The following RTN4RL1 variants were observed in gnomAD, a reference collection of about 807,000 sequenced individuals.
The protein encoded by RTN4RL1 is reticulon 4 receptor like 1.
RTN4RL1 carries 7 observed loss-of-function variants against 25.6 expected under a neutral mutation model. That is an observed-to-expected ratio of 0.27 (90% CI 0.16 to 0.51). RTN4RL1 has a LOEUF of 0.51. Ranked by LOEUF, RTN4RL1 falls within the 20% of genes least tolerant of loss-of-function variation. The pLI is 0.97. For missense variants in RTN4RL1, 500 were observed against 615.6 expected (o/e 0.81, Z 1.99); for synonymous variants, 297 against 288.2 (o/e 1.03, Z -0.31).
intron 1 of RTN4RL1, among the ~76,000 whole-genome samples, chr17:2,016,084 T>G (rs2067118517): frequency 6.6e-6 from 1 of 152,136 alleles, no homozygotes; most frequent in African/African-American, 2.4e-5. Context: ...CTCCTGCTAT[T>G]GAAAAACCTT....
intron 1 of RTN4RL1, among the ~76,000 whole-genome samples, chr17:1,953,063 T>C (rs1014235414): frequency 1.1e-4 from 16 of 149,654 alleles, no homozygotes; most frequent in Non-Finnish European, 2.2e-4. Flanking sequence ...CAGAGTGAGA[T>C]CTAGTTTCAA....
In RTN4RL1 at chr17:1,973,103, C is replaced by G. The variant is rs936336861; in HGVS notation, c.14-35295G>C. On this transcript the variant is annotated intron_variant, in intron 1 of 1. Coordinates refer to ENST00000331238, the MANE Select transcript of RTN4RL1 (RefSeq NM_178568.4). ...CTAGGCTGGGCACGGCGGCTCATGCCTGTAATCCCAGCACTTTGGGACGCT... is the reference window on the plus strand; with the variant it reads ...CTAGGCTGGGCACGGCGGCTCATGCGTGTAATCCCAGCACTTTGGGACGCT... Among the ~76,000 whole-genome samples, 20 of 152,328 alleles carry G rather than the reference C, an allele frequency of 1.3e-4. 1 individual carries two copies. Among genetic ancestry groups the G allele is most frequent in the African/African-American group, 4.3e-4 (18 of 41,576 alleles).
At chr17:1,952,233 A>G (rs1051540855) in intron 1 of RTN4RL1, among the ~76,000 whole-genome samples, 7 of 151,900 alleles carry the variant, frequency 4.6e-5, no homozygotes, top group African/African-American at 1.7e-4. Flanking sequence ...AATAGTGAAT[A>G]TCTGTGAGCA....
intron 1 of RTN4RL1, among the ~76,000 whole-genome samples, chr17:2,002,667 C>T (rs537067866): frequency 2.7e-3 from 407 of 152,160 alleles, no homozygotes; most frequent in Non-Finnish European, 4.6e-3. Flanking sequence ...TTTTCTCTGT[C>T]TCTGTCTCCC....
At chr17:1,942,117 G>A (rs1044681553) in intron 1 of RTN4RL1, among the ~76,000 whole-genome samples, 2 of 152,278 alleles carry the variant, frequency 1.3e-5, no homozygotes, top group African/African-American at 4.8e-5. Flanking sequence ...AGGGGGCTGA[G>A]GAGAGCAAGG....
At chr17:1,976,483 T>C (rs1186778801) in intron 1 of RTN4RL1, among the ~76,000 whole-genome samples, 2 of 152,204 alleles carry the variant, frequency 1.3e-5, no homozygotes, top group African/African-American at 2.4e-5. Context: ...TTAAGTAGTG[T>C]TGGTGCTGCA....
chr17:2,013,917 A>G (rs2067085637), intron 1 of RTN4RL1, among the ~76,000 whole-genome samples: 1 of 152,196 alleles, frequency 6.6e-6, no homozygotes, highest in African/African-American at 2.4e-5. Context: ...CTGCATCCCA[A>G]AGCTGTGCAG....
At chr17:1,939,336 G>C (rs1034041518) in intron 1 of RTN4RL1, among the ~76,000 whole-genome samples, 1 of 151,488 alleles carries the variant, frequency 6.6e-6, no homozygotes, top group South Asian at 2.1e-4. Flanking sequence ...CTGGGCGACA[G>C]AGCGAAACTC....
chr17:1,951,157 C>T (rs1031199346), intron 1 of RTN4RL1, among the ~76,000 whole-genome samples: 13 of 150,180 alleles, frequency 8.7e-5, no homozygotes, highest in Admixed American at 6.0e-4. Context: ...CCCAGCTACT[C>T]GGGAGGCTGA....
chr17:2,012,367 G>A (rs143083897), intron 1 of RTN4RL1, among the ~76,000 whole-genome samples: 1,678 of 152,324 alleles, frequency 0.011, 36 homozygotes, highest in African/African-American at 0.036. Context: ...GCGGTGAGGC[G>A]GCCCTAAGGC....
At chr17:1,962,213 AAG>A (rs941173633) in intron 1 of RTN4RL1, among the ~76,000 whole-genome samples, 1 of 151,370 alleles carries the variant, frequency 6.6e-6, no homozygotes, top group Non-Finnish European at 1.5e-5. Flanking sequence ...CTGGGAGGTG[AAG>A]ACTGCCATGA....
Position 1,998,776 on chromosome 17 carries a change from CGGGGTGGGGGTG to C in RTN4RL1, c.13+26065_13+26076del, listed in dbSNP as rs916422839. 1.6e-4 allele frequency among the ~76,000 whole-genome samples: 10 copies of C among 63,726 alleles called. No homozygotes were observed. Among genetic ancestry groups the C allele is most frequent in the Non-Finnish European group, 2.9e-4 (8 of 27,642 alleles). 41.8% of individuals were successfully genotyped at this position (63,726 alleles called of 152,430 possible). On this transcript the variant is annotated intron_variant, in intron 1 of 1. Coordinates refer to ENST00000331238, the MANE Select transcript of RTN4RL1 (RefSeq NM_178568.4). This position sits in a 1 kb window ranked among gnomAD's most constrained non-coding sequence, Gnocchi z 4.9. ...GGCGGCCTCGCGCGCACGGGGACCC[CGGGGTGGGGGTG>C]GGGGTGGGGCTCTGCGAGGGCCCTA...
intron 1 of RTN4RL1, among the ~76,000 whole-genome samples, chr17:1,979,014 TG>T (rs2066855466): frequency 6.6e-6 from 1 of 152,278 alleles, no homozygotes; most frequent in South Asian, 2.1e-4. Flanking sequence ...GGCCAACGCC[TG>T]TAATCCCAGC....
At chr17:1,952,121 G>T (rs1915694386) in intron 1 of RTN4RL1, among the ~76,000 whole-genome samples, 1 of 152,124 alleles carries the variant, frequency 6.6e-6, no homozygotes, top group East Asian at 1.9e-4. Context: ...TTGCCCTTTT[G>T]TTTCAAACGA....
At chr17:2,014,250 G>A (rs2067090076) in intron 1 of RTN4RL1, among the ~76,000 whole-genome samples, 1 of 152,146 alleles carries the variant, frequency 6.6e-6, no homozygotes, top group Non-Finnish European at 1.5e-5. Flanking sequence ...GGATCTGGAG[G>A]GGCACAGGGT....
intron 1 of RTN4RL1, 95 bp downstream of exon 1, chr17:2,024,758 C>G (rs992718268): frequency 1.5e-6 from 2 of 1,337,062 alleles, no homozygotes; most frequent in East Asian, 2.6e-5. Flanking sequence ...GGGGCTACTT[C>G]CCAGACCGGG....
At chr17:1,964,681 G>A (rs9675113) in intron 1 of RTN4RL1, among the ~76,000 whole-genome samples, 29 of 151,090 alleles carry the variant, frequency 1.9e-4, no homozygotes, top group Non-Finnish European at 3.4e-4. Context: ...GCAGTGAGCC[G>A]AGATCACACC....
At chr17:1,980,591 T>C (rs905017874) in intron 1 of RTN4RL1, among the ~76,000 whole-genome samples, 6 of 152,232 alleles carry the variant, frequency 3.9e-5, no homozygotes, top group African/African-American at 1.4e-4. Context: ...ATGACATATA[T>C]TACTTTTATA....
intron 1 of RTN4RL1, among the ~76,000 whole-genome samples, chr17:1,962,511 A>G (rs959015255): frequency 1.3e-5 from 2 of 151,756 alleles, no homozygotes; most frequent in East Asian, 4.0e-4. Context: ...GGTGCTCGCC[A>G]TCACGCCTGG....
Sources: gnomAD v4.1 joint callset for allele counts (sites outside exome capture counted in the v4.1 genomes callset) on GRCh38, gnomAD v4.1.1 for gene constraint, Gnocchi (gnomAD v3.1) non-coding constraint, MANE v1.5 for transcripts, NCBI Gene and HGNC (gene_info 2026-07-23, HGNC 2026-07-21) for gene names.